Variants in CCDC63 observed in about 807,000 individuals in gnomAD.
CCDC63 encodes the protein coiled-coil domain containing 63, also known as coiled-coil domain-containing protein 63.
In CCDC63, 54 loss-of-function variants were observed where a neutral mutation model predicts 63.6. The observed-to-expected ratio is 0.85, with a 90% confidence interval of 0.68 to 1.07. The LOEUF is 1.07. CCDC63 is among the 50% of genes least tolerant of loss of function. CCDC63 has a pLI of 0.00. For synonymous variants in CCDC63, 253 were observed against 266.1 expected (o/e 0.95, Z 0.48); for missense variants, 637 against 689.6 (o/e 0.92, Z 0.86).
chr12:110,859,625 C>G (rs574184424), intron 4 of CCDC63, among the ~76,000 whole-genome samples: 2 of 151,724 alleles, frequency 1.3e-5, no homozygotes, highest in Admixed American at 1.3e-4. Flanking sequence ...CACTTCTGCT[C>G]ATGACCCAGG....
intron 9 of CCDC63, among the ~76,000 whole-genome samples, chr12:110,896,169 C>A (rs1475143453): frequency 1.3e-5 from 2 of 152,126 alleles, no homozygotes; most frequent in Non-Finnish European, 2.9e-5. Flanking sequence ...GAGACAGAGT[C>A]TTGCTCTGTC....
intron 4 of CCDC63, among the ~76,000 whole-genome samples, chr12:110,863,095 C>T (rs778022846): frequency 1.3e-5 from 2 of 152,128 alleles, no homozygotes; most frequent in African/African-American, 2.4e-5. Context: ...AGGGTTTGCA[C>T]TGAGGCCCAG....
intron 3 of CCDC63, among the ~76,000 whole-genome samples, chr12:110,855,870 C>T (rs10774606): frequency 0.54 from 81,419 of 151,654 alleles, 23,136 homozygotes; most frequent in East Asian, 0.64. Flanking sequence ...CATGAGCCAC[C>T]GCACCAGGCC....
intron 10 of CCDC63, 71 bp downstream of exon 10, chr12:110,899,196 C>A: frequency 7.2e-7 from 1 of 1,394,284 alleles, no homozygotes; most frequent in Non-Finnish European, 9.8e-7. Flanking sequence ...AGCATAAGGC[C>A]TTGCTCTTAT....
rs541773897 is a variant in CCDC63 at position 110,903,595 on chromosome 12, G to A, written c.1343-993G>A. Among the ~76,000 whole-genome samples, 6 of 152,332 alleles carry A rather than the reference G, an allele frequency of 3.9e-5. 1 individual carries two copies. The highest frequency in any genetic ancestry group is 4.1e-4 in the South Asian group (2 of 4,822). On this transcript the variant is annotated intron_variant, in intron 10 of 11. Transcript: ENST00000308208. ...CTTAGCGTCTAGCACGGTGCATGGC[G>A]TGGTAGACATTGAGTAATCATTTGC...
chr12:110,876,403 T>C (rs901429375), intron 5 of CCDC63, among the ~76,000 whole-genome samples: 1 of 152,096 alleles, frequency 6.6e-6, no homozygotes, highest in Admixed American at 6.6e-5. Context: ...GTGGTGGCTA[T>C]GGAGACACTC....
intron 4 of CCDC63, among the ~76,000 whole-genome samples, chr12:110,861,490 G>A (rs191265878): frequency 7.2e-5 from 11 of 152,114 alleles, no homozygotes; most frequent in African/African-American, 7.2e-5. Flanking sequence ...AGGACTTTGC[G>A]TGTGCTATTC....
intron 7 of CCDC63, among the ~76,000 whole-genome samples, chr12:110,881,905 T>C (rs2071213828): frequency 6.6e-6 from 1 of 152,212 alleles, no homozygotes; most frequent in African/African-American, 2.4e-5. Context: ...ACCCTCTATT[T>C]TATCTGCCAA....
chr12:110,849,221 A>T (rs1013995355), intron 1 of CCDC63, among the ~76,000 whole-genome samples: 1 of 152,226 alleles, frequency 6.6e-6, no homozygotes, highest in Non-Finnish European at 1.5e-5. Flanking sequence ...TTAGGCTTCA[A>T]TGAACAAAAT....
At chr12:110,871,531 C>T (rs145469629) in intron 4 of CCDC63, among the ~76,000 whole-genome samples, 1,613 of 151,352 alleles carry the variant, frequency 0.011, 18 homozygotes, top group South Asian at 0.051. Context: ...CTCTATCTTT[C>T]CTTCCTTCCT....
Position 110,904,803 on chromosome 12 carries a change from C to G in CCDC63, c.1546+12C>G. The G allele has an allele frequency of 6.3e-7, 1 of 1,594,090 alleles. No homozygotes were observed. The highest frequency in any genetic ancestry group is 8.5e-7 in the Non-Finnish European group (1 of 1,170,222). ...CAGGTTGGATGATGGTGAGTTCTCT[C>G]TCTCTCAATCTGCACAGGTTGCTAG... On this transcript the variant is annotated intron_variant, in intron 11 of 11. Coordinates refer to ENST00000308208, the MANE Select transcript of CCDC63 (RefSeq NM_152591.3).
intron 8 of CCDC63, among the ~76,000 whole-genome samples, chr12:110,887,126 CTTTCTTTT>C (rs2071293122): frequency 6.6e-6 from 1 of 151,270 alleles, no homozygotes; most frequent in Non-Finnish European, 1.5e-5. Flanking sequence ...TTTAAATTTT[CTTTCTTTT>C]TTTCTTTTTT....
chr12:110,871,974 A>T (rs1182953885), intron 4 of CCDC63, among the ~76,000 whole-genome samples: 2 of 152,252 alleles, frequency 1.3e-5, no homozygotes, highest in Non-Finnish European at 2.9e-5. Flanking sequence ...CCTGAAATGA[A>T]ATCCATAAAT....
chr12:110,853,691 A>G, intron 3 of CCDC63, 117 bp downstream of exon 3: 1 of 1,090,942 alleles, frequency 9.2e-7, no homozygotes, highest in Non-Finnish European at 1.4e-6. Flanking sequence ...TCTGAGCCCC[A>G]TTGGAGGATC....
chr12:110,860,941 G>C (rs2070845646), intron 4 of CCDC63, among the ~76,000 whole-genome samples: 1 of 152,182 alleles, frequency 6.6e-6, no homozygotes, highest in African/African-American at 2.4e-5. Context: ...AGTTCTGCAG[G>C]CTATACAGGA....
chr12:110,860,175 G>C (rs917341553), intron 4 of CCDC63, among the ~76,000 whole-genome samples: 1 of 152,210 alleles, frequency 6.6e-6, no homozygotes, highest in African/African-American at 2.4e-5. Context: ...AACTTGGAGA[G>C]CCTGGGGCAA....
intron 9 of CCDC63, among the ~76,000 whole-genome samples, chr12:110,897,098 T>TAGAAC (rs1263054756): frequency 6.6e-6 from 1 of 151,938 alleles, no homozygotes; most frequent in East Asian, 1.9e-4. Context: ...AATAGTGAGA[T>TAGAAC]AGAACAGAAC....
At chr12:110,870,215 G>A (rs570949604) in intron 4 of CCDC63, among the ~76,000 whole-genome samples, 12 of 152,100 alleles carry the variant, frequency 7.9e-5, no homozygotes, top group Admixed American at 6.5e-5. Flanking sequence ...CCCAAGTAGC[G>A]GAATTACAGG....
intron 4 of CCDC63, among the ~76,000 whole-genome samples, chr12:110,866,658 C>A (rs1479170079): frequency 1.3e-5 from 2 of 151,580 alleles, no homozygotes; most frequent in Middle Eastern, 6.8e-3. Context: ...TCAACAGTAT[C>A]CCAAGGCAGA....
Sources: gnomAD v4.1 joint callset for allele counts (sites outside exome capture counted in the v4.1 genomes callset) on GRCh38, gnomAD v4.1.1 for gene constraint, MANE v1.5 for transcripts, NCBI Gene and HGNC (gene_info 2026-07-23, HGNC 2026-07-21) for gene names.